NEBL: variants seen among roughly 807,000 people sequenced by gnomAD.
NEBL encodes the protein LIM and SH3 protein 2.
A neutral mutation model predicts 140.2 loss-of-function variants in NEBL; 122 were observed. The observed-to-expected ratio is 0.87, with a 90% CI of 0.75 to 1.01. The LOEUF (loss-of-function observed/expected upper bound fraction) is 1.01, where lower values mean the gene tolerates loss of function less well. Ranked by LOEUF, NEBL falls within the 50% of genes least tolerant of loss-of-function variation. The probability of loss-of-function intolerance (pLI) is 0.00; values close to 1 mark genes in which losing one functional copy is unlikely to be tolerated. For missense variants in NEBL, 1,365 were observed against 1,231.3 expected (o/e 1.11, Z -1.62); for synonymous variants, 436 against 398.9 (o/e 1.09, Z -1.11).
chr10:21,238,419 G>T (rs1413009247), intron 3 of NEBL, among the ~76,000 whole-genome samples: 2 of 152,120 alleles, frequency 1.3e-5, no homozygotes, highest in African/African-American at 4.8e-5. Flanking sequence ...AGAAAGTTGG[G>T]CCGGGCCCGG....
At chr10:20,953,260 AG>A (rs1589067676) in intron 4 of NEBL, among the ~76,000 whole-genome samples, 2 of 152,282 alleles carry the variant, frequency 1.3e-5, no homozygotes, top group Non-Finnish European at 2.9e-5. Context: ...TTCTAAGAGG[AG>A]GAGACACAGA....
intron 3 of NEBL, among the ~76,000 whole-genome samples, chr10:21,236,076 C>T (rs1334465298): frequency 2.6e-5 from 4 of 152,204 alleles, no homozygotes; most frequent in Non-Finnish European, 4.4e-5. Flanking sequence ...AAACAGAAGT[C>T]GTTCCCCTCT....
intron 2 of NEBL, among the ~76,000 whole-genome samples, chr10:21,083,778 G>A (rs1183797387): frequency 6.6e-6 from 1 of 152,206 alleles, no homozygotes; most frequent in Non-Finnish European, 1.5e-5. Context: ...CCAGGAGGTG[G>A]AGGTTGCAGT....
chr10:20,887,849 G>T (rs865837899), intron 4 of NEBL, among the ~76,000 whole-genome samples: 3 of 152,170 alleles, frequency 2.0e-5, no homozygotes, highest in Non-Finnish European at 4.4e-5. Flanking sequence ...ATGAGATTAA[G>T]ATTTGCTCTA....
rs1834940024 is a variant in NEBL, at chr10:20,780,230, T to C, written c.*5517A>G. 1.3e-5 allele frequency: 2 copies of C among 152,234 alleles called. No individual in the cohort carries two copies. The highest frequency in any genetic ancestry group is 4.1e-4 in the South Asian group (2 of 4,836). 9.4% of individuals were successfully genotyped at this position (152,234 alleles called of 1,614,324 possible). On this transcript the variant is annotated 3_prime_UTR_variant, in exon 28 of 28. Coordinates refer to ENST00000377122, the MANE Select transcript of NEBL (RefSeq NM_006393.3). ...GCTGAGAAATCAGTTGCTTCCCATT[T>C]TATGTACTCAATTTGTGCACTTTCT...
chr10:21,188,327 G>A (rs937338410), intron 3 of NEBL, among the ~76,000 whole-genome samples: 15 of 152,062 alleles, frequency 9.9e-5, no homozygotes, highest in East Asian at 1.9e-4. Flanking sequence ...CTAGTTCCCC[G>A]TGACCAGACA....
chr10:21,079,499 G>A (rs1158872535), intron 2 of NEBL, among the ~76,000 whole-genome samples: 1 of 152,166 alleles, frequency 6.6e-6, no homozygotes, highest in African/African-American at 2.4e-5. Flanking sequence ...TGTGGATCCA[G>A]GACTGGAGCT....
chr10:21,250,346 G>C (rs1302594917), intron 2 of NEBL, among the ~76,000 whole-genome samples: 1 of 152,164 alleles, frequency 6.6e-6, no homozygotes, highest in Non-Finnish European at 1.5e-5. Context: ...TTTCTCCCAT[G>C]CTGGATGCTT....
At chr10:21,136,704 A>C (rs1394373925) in intron 2 of NEBL, among the ~76,000 whole-genome samples, 1 of 151,744 alleles carries the variant, frequency 6.6e-6, no homozygotes, top group African/African-American at 2.4e-5. Context: ...AGCCTACCCT[A>C]CTCTAAAGGG....
At chr10:20,786,005 C>A in intron 27 of NEBL, 82 bp from the exon 28 acceptor site, 1 of 1,294,730 alleles carries the variant, frequency 7.7e-7, no homozygotes, top group South Asian at 1.2e-5. Context: ...CCGACCCACA[C>A]ATAAAGTAAC....
At chr10:21,023,075 C>T (rs1838864297) in intron 2 of NEBL, among the ~76,000 whole-genome samples, 2 of 152,192 alleles carry the variant, frequency 1.3e-5, no homozygotes, top group African/African-American at 4.8e-5. Flanking sequence ...GGAAGTTGAA[C>T]TTTACTGAAC....
chr10:20,845,222 C>T (rs1188528838), intron 12 of NEBL, 36 bp downstream of exon 12: 1 of 1,322,352 alleles, frequency 7.6e-7, no homozygotes, highest in Non-Finnish European at 1.1e-6. Flanking sequence ...CTTTACTTTT[C>T]TTCATAATAT....
At chr10:21,264,986 A>C (rs903256011) in intron 1 of NEBL, among the ~76,000 whole-genome samples, 1 of 151,702 alleles carries the variant, frequency 6.6e-6, no homozygotes, top group Non-Finnish European at 1.5e-5. Flanking sequence ...GCAGTGGCAC[A>C]ATCTTAGCCC....
At chr10:21,030,361 A>G (rs1833729658) in intron 2 of NEBL, 2 of 615,354 alleles carry the variant, frequency 3.3e-6, no homozygotes, top group Non-Finnish European at 3.0e-6. Flanking sequence ...GCAAAAGTCA[A>G]TCAGACCAGG....
At chr10:20,844,445 C>T (rs1588764298) in intron 12 of NEBL, among the ~76,000 whole-genome samples, 2 of 149,454 alleles carry the variant, frequency 1.3e-5, no homozygotes, top group South Asian at 4.2e-4. Flanking sequence ...AACACTTTCC[C>T]TTAATATAAA....
At chr10:21,285,581 C>T (rs1843044866) in intron 1 of NEBL, among the ~76,000 whole-genome samples, 1 of 152,212 alleles carries the variant, frequency 6.6e-6, no homozygotes, top group Non-Finnish European at 1.5e-5. Flanking sequence ...GGGGACATGT[C>T]GTCAGGACCT....
intron 2 of NEBL, among the ~76,000 whole-genome samples, chr10:21,164,264 G>A (rs1840671371): frequency 6.6e-6 from 1 of 152,212 alleles, no homozygotes; most frequent in Non-Finnish European, 1.5e-5. Flanking sequence ...AAACAGAACA[G>A]AAACGTAATT....
Position 20,809,041 on chromosome 10 carries a change from C to T in NEBL, c.2612-382G>A, listed in dbSNP as rs1196472358. Among the ~76,000 whole-genome samples, 5 of 152,130 alleles carry T rather than the reference C, an allele frequency of 3.3e-5. No homozygotes were observed. The South Asian group carries it at 6.2e-4, about 19-fold the overall frequency. ...TCTTTATTTTTAGAAAATCAAGTGACACTGTTTGGCTAACTATATGAATGA... is the reference window on the plus strand; with the variant it reads ...TCTTTATTTTTAGAAAATCAAGTGATACTGTTTGGCTAACTATATGAATGA... On this transcript the variant is annotated intron_variant, in intron 25 of 27. Transcript: ENST00000377122.
chr10:20,922,539 G>A (rs576515774), intron 4 of NEBL, among the ~76,000 whole-genome samples: 78 of 152,156 alleles, frequency 5.1e-4, no homozygotes, highest in Admixed American at 1.2e-3. Context: ...TCATCAGCAG[G>A]ACTGCATCAA....
Sources: allele counts gnomAD v4.1 joint callset (sites outside exome capture counted in the v4.1 genomes callset), GRCh38; gene constraint gnomAD v4.1.1; transcripts MANE v1.5; gene names NCBI Gene and HGNC (gene_info 2026-07-23, HGNC 2026-07-21).